Variants in TMEM132B observed in about 807,000 individuals in gnomAD.
TMEM132B encodes transmembrane protein 132B.
Under a neutral mutation model 90.8 loss-of-function variants are expected in TMEM132B, and 18 were observed. The ratio of observed to expected loss-of-function variants is 0.20; its 90% CI spans 0.14 to 0.29. TMEM132B has a LOEUF of 0.29. Among genes scored for constraint, TMEM132B ranks in the 10% least tolerant of loss-of-function variants. The pLI, the probability that TMEM132B is intolerant of heterozygous loss-of-function variation, is 1.00. For missense variants in TMEM132B, 1,096 were observed against 1,326.8 expected, an observed-to-expected ratio of 0.83 and a Z score of 2.70; for synonymous variants, 504 against 523.3, an observed-to-expected ratio of 0.96 and a Z score of 0.50.
In TMEM132B at chr12:125,349,681, G is replaced by T; in HGVS notation, c.297G>T (p.Glu99Asp). 1.2e-6 allele frequency: 2 copies of T among 1,614,180 alleles called. No homozygotes were observed. Among genetic ancestry groups the T allele is most frequent in the Middle Eastern group, 1.6e-4 (1 of 6,062 alleles). The change falls in exon 2 of 9, where the codon GAG becomes GAT. Residue 99 changes from glutamate to aspartate, a missense_variant. By Grantham distance (45) the Glu-to-Asp change is conservative. Coordinates refer to ENST00000682704, the MANE Select transcript of TMEM132B (RefSeq NM_001366854.1). This position sits in a 1 kb window ranked among gnomAD's most constrained non-coding sequence, Gnocchi z 4.1. Reference protein sequence around the residue: ...INASYGPFSVEKIIPQELLLT... With the variant: ...INASYGPFSVDKIIPQELLLT... ...CCAGCTATGGCCCATTTTCAGTGGAGAAGATAATCCCCCAGGAGCTCCTGT... is the reference window on the plus strand; with the variant it reads ...CCAGCTATGGCCCATTTTCAGTGGATAAGATAATCCCCCAGGAGCTCCTGT...
In TMEM132B at chr12:125,603,265, A is replaced by G. The variant is rs142190926; in HGVS notation, c.1437+19271A>G. 1.6e-4 allele frequency among the ~76,000 whole-genome samples: 24 copies of G among 152,318 alleles called. No individual in the cohort carries two copies. The East Asian group carries it at 4.1e-3, about 26-fold the overall frequency. ...TACTGGTACCAAAACAGTCATATAG[A>G]CCAATGGAGTAGAATAGAGACCTCA... is the stretch of plus-strand genomic sequence containing the variant. On this transcript the variant is annotated intron_variant, in intron 5 of 8. Transcript: ENST00000682704.
intron 3 of TMEM132B, among the ~76,000 whole-genome samples, chr12:125,509,870 C>T (rs186069371): frequency 1.4e-4 from 22 of 152,088 alleles, no homozygotes; most frequent in African/African-American, 4.1e-4. Flanking sequence ...GTCTGTCATT[C>T]GATTTCTCAT....
intron 5 of TMEM132B, among the ~76,000 whole-genome samples, chr12:125,637,707 A>G (rs78975366): frequency 0.072 from 11,029 of 152,288 alleles, 571 homozygotes; most frequent in African/African-American, 0.14. Context: ...CACAAGTAAC[A>G]ATAAGGATGA....
intron 3 of TMEM132B, among the ~76,000 whole-genome samples, chr12:125,494,405 A>G (rs1593173816): frequency 2.2e-5 from 2 of 89,382 alleles, no homozygotes; most frequent in Admixed American, 1.4e-4. Flanking sequence ...AAATGGATGC[A>G]TGCCTCCTCC....
At chr12:125,346,694 A>C (rs1247492848) in intron 1 of TMEM132B, among the ~76,000 whole-genome samples, 5 of 152,216 alleles carry the variant, frequency 3.3e-5, no homozygotes. Context: ...AATTCTTCAA[A>C]ATCATTTCTC....
At chr12:125,292,500 C>T (rs1875568256) in intron 1 of TMEM132B, among the ~76,000 whole-genome samples, 2 of 152,196 alleles carry the variant, frequency 1.3e-5, no homozygotes, top group South Asian at 4.1e-4. Context: ...GTAGCAGCTA[C>T]AAATCTTCTG....
intron 1 of TMEM132B, among the ~76,000 whole-genome samples, chr12:125,293,621 C>G (rs1875597396): frequency 6.6e-6 from 1 of 152,168 alleles, no homozygotes; most frequent in Non-Finnish European, 1.5e-5. Flanking sequence ...CTGCAAAGGA[C>G]ATGATTTTGT....
intron 4 of TMEM132B, among the ~76,000 whole-genome samples, chr12:125,560,010 C>G (rs1013342090): frequency 6.6e-6 from 1 of 152,176 alleles, no homozygotes; most frequent in Admixed American, 6.5e-5. Flanking sequence ...TCTGGGCTCC[C>G]GCTTCTTAAT....
At chr12:125,562,646 C>A (rs969685874) in intron 4 of TMEM132B, among the ~76,000 whole-genome samples, 7 of 152,176 alleles carry the variant, frequency 4.6e-5, no homozygotes, top group Middle Eastern at 3.2e-3. Context: ...GCTCTCATAA[C>A]CCCCACATGT....
At chr12:125,191,865 A>C (rs1170880647) in intron 1 of TMEM132B, among the ~76,000 whole-genome samples, 1 of 152,148 alleles carries the variant, frequency 6.6e-6, no homozygotes, top group Non-Finnish European at 1.5e-5. Flanking sequence ...CCCATCTGTA[A>C]AATGGGCCCC....
intron 5 of TMEM132B, among the ~76,000 whole-genome samples, chr12:125,639,944 G>T (rs1293937920): frequency 6.6e-6 from 1 of 152,110 alleles, no homozygotes; most frequent in Non-Finnish European, 1.5e-5. Context: ...CCTCAAAGTC[G>T]GGGGGTCCAG....
At chr12:125,214,503 G>A (rs766228470) in intron 1 of TMEM132B, among the ~76,000 whole-genome samples, 11 of 152,132 alleles carry the variant, frequency 7.2e-5, no homozygotes, top group Admixed American at 2.0e-4. Context: ...ATTGTGACTC[G>A]GGCCAAGCCT....
intron 3 of TMEM132B, among the ~76,000 whole-genome samples, chr12:125,427,504 A>G (rs998946033): frequency 1.3e-4 from 20 of 152,308 alleles, no homozygotes; most frequent in African/African-American, 4.8e-4. Flanking sequence ...GTATGTGTTG[A>G]ATGTTTTAAG....
chr12:125,280,525 G>A (rs892205867), intron 1 of TMEM132B, among the ~76,000 whole-genome samples: 2 of 152,184 alleles, frequency 1.3e-5, no homozygotes, highest in East Asian at 1.9e-4. Flanking sequence ...AGTGTCCATC[G>A]CACCTGGCCA....
chr12:125,263,315 AT>A lies in TMEM132B; in HGVS notation c.67+76450del, dbSNP rs1359583119. On this transcript the variant is annotated intron_variant, in intron 1 of 8. Transcript: ENST00000682704. ...GGAGAGGTACGTGCCTCAAAGCATC[AT>A]ACTGGAAGCAAGACTGCATGTGGCA... is the stretch of plus-strand genomic sequence containing the variant. Among the ~76,000 whole-genome samples, 6 of 152,210 alleles carry A rather than the reference AT, an allele frequency of 3.9e-5. No homozygotes were observed. In the East Asian group the frequency reaches 1.2e-3, roughly 29 times the overall value.
chr12:125,490,620 G>A lies in TMEM132B; in HGVS notation c.1107-28819G>A, dbSNP rs547221498. 1.1e-4 allele frequency among the ~76,000 whole-genome samples: 17 copies of A among 152,000 alleles called. No homozygotes were observed. In the East Asian group the frequency reaches 3.1e-3, roughly 28 times the overall value. On this transcript the variant is annotated intron_variant, in intron 3 of 8. Coordinates refer to ENST00000682704, the MANE Select transcript of TMEM132B (RefSeq NM_001366854.1). The surrounding 1 kb of genome is among the most constrained non-coding windows in gnomAD (Gnocchi z 4.2). ...CTCGACTACAGACACCTGCCACCAC[G>A]CCTGGCTAATTTTTTGTGTGTGTTT... is the stretch of plus-strand genomic sequence containing the variant.
intron 5 of TMEM132B, among the ~76,000 whole-genome samples, chr12:125,599,194 C>T (rs1047215181): frequency 6.6e-6 from 1 of 152,126 alleles, no homozygotes; most frequent in Admixed American, 6.6e-5. Flanking sequence ...GAATAAGTCT[C>T]ACGAGATCTG....
At chr12:125,299,404 C>T (rs974722604) in intron 1 of TMEM132B, among the ~76,000 whole-genome samples, 10 of 152,154 alleles carry the variant, frequency 6.6e-5, no homozygotes, top group East Asian at 3.9e-4. Flanking sequence ...CCCTGACCTT[C>T]GGCATCTGGA....
intron 4 of TMEM132B, among the ~76,000 whole-genome samples, chr12:125,569,888 C>T (rs1221403133): frequency 1.3e-5 from 2 of 152,072 alleles, no homozygotes; most frequent in Non-Finnish European, 2.9e-5. Flanking sequence ...AAATTCTTTA[C>T]AGAAAGGGCT....
Sources: allele counts gnomAD v4.1 joint callset (sites outside exome capture counted in the v4.1 genomes callset), GRCh38; gene constraint gnomAD v4.1.1; non-coding constraint Gnocchi (gnomAD v3.1); transcripts MANE v1.5; gene names NCBI Gene and HGNC (gene_info 2026-07-23, HGNC 2026-07-21).